Variants in ELK4 observed in about 807,000 individuals in gnomAD.
ELK4 encodes ETS transcription factor ELK4.
ELK4 carries 16 observed loss-of-function variants against 29.6 expected under a neutral mutation model. The ratio of observed to expected loss-of-function variants is 0.54; its 90% CI spans 0.37 to 0.82. The LOEUF is 0.82. Ranked by LOEUF, ELK4 falls within the 40% of genes least tolerant of loss-of-function variation. The pLI, the probability that ELK4 is intolerant of heterozygous loss-of-function variation, is 0.00. For missense variants in ELK4, 465 were observed against 507.1 expected (o/e 0.92, Z 0.80); for synonymous variants, 213 against 191.1 (o/e 1.11, Z -0.95).
chr1:205,616,924 G>C (rs373818997), intron 4 of ELK4, among the ~76,000 whole-genome samples: 1 of 152,144 alleles, frequency 6.6e-6, no homozygotes, highest in Non-Finnish European at 1.5e-5. Flanking sequence ...AGGTACACAG[G>C]TTTACAATTA....
rs1004186319 is a variant in ELK4, at chr1:205,612,964, C to T, written c.*3582G>A. 1.5e-5 allele frequency: 3 copies of T among 205,986 alleles called. No individual in the cohort carries two copies. Among genetic ancestry groups the T allele is most frequent in the Admixed American group, 6.0e-5 (1 of 16,764 alleles). 12.8% of individuals were successfully genotyped at this position (205,986 alleles called of 1,614,324 possible). A position where few individuals can be genotyped will look rare whatever the true frequency, so the allele number is the denominator to read the frequency against. On this transcript the variant is annotated 3_prime_UTR_variant, in exon 5 of 5. Coordinates refer to ENST00000357992, the MANE Select transcript of ELK4 (RefSeq NM_001973.4). Reference sequence around the variant, plus strand: ...TGTCAAAATGTGGGAAAAAATTAAACTCATATTTTAACTCTAAGAAGCTTA... The same window carrying T: ...TGTCAAAATGTGGGAAAAAATTAAATTCATATTTTAACTCTAAGAAGCTTA...
In ELK4 at chr1:205,612,780, T is replaced by G. The variant is rs2102373686; in HGVS notation, c.*3766A>C. On this transcript the variant is annotated 3_prime_UTR_variant, in exon 5 of 5. Coordinates refer to ENST00000357992, the MANE Select transcript of ELK4 (RefSeq NM_001973.4). ...AAGTGATACTATCAACAGCCTGGAG[T>G]TACAGCTCCAGAATTCCAAACCTCT... 4.8e-6 allele frequency: 1 copy of G among 209,218 alleles called. No homozygotes were observed. The allele number at this position is 209,218 out of a possible 1,614,324, so 13.0% of individuals were successfully genotyped here.
intron 1 of ELK4, among the ~76,000 whole-genome samples, chr1:205,629,345 G>A (rs887828336): frequency 1.3e-5 from 2 of 152,110 alleles, no homozygotes; most frequent in East Asian, 1.9e-4. Flanking sequence ...AGCAGCCAAC[G>A]TCTTCTTACA....
rs762650825 is a variant in ELK4, at chr1:205,616,033, C to A, written c.*513G>T. On this transcript the variant is annotated 3_prime_UTR_variant, in exon 5 of 5. Coordinates refer to ENST00000357992, the MANE Select transcript of ELK4 (RefSeq NM_001973.4). ...TTACTTTGTATGAATAGGAATGATT[C>A]TTCTTCTTCCACTGCTTAGGAACAG... The A allele has an allele frequency of 2.2e-4, 50 of 224,538 alleles. No individual in the cohort carries two copies. The highest frequency in any genetic ancestry group is 3.6e-4 in the Non-Finnish European group (41 of 112,366). The allele number at this position is 224,538 out of a possible 1,614,324, so 13.9% of individuals were successfully genotyped here.
chr1:205,615,661 G>A lies in ELK4; in HGVS notation c.*885C>T. On this transcript the variant is annotated 3_prime_UTR_variant, in exon 5 of 5. Coordinates refer to ENST00000357992, the MANE Select transcript of ELK4 (RefSeq NM_001973.4). ...CTGATCGAATCTTTTACTCAGAGAT[G>A]TTTCAAATATTCAAAATCCAAGTTC... The A allele has an allele frequency of 4.9e-6, 1 of 206,150 alleles. No homozygotes were observed. The highest frequency in any genetic ancestry group is 9.9e-6 in the Non-Finnish European group (1 of 100,852). 12.8% of individuals were successfully genotyped at this position (206,150 alleles called of 1,614,324 possible). A position where few individuals can be genotyped will look rare whatever the true frequency, so the allele number is the denominator to read the frequency against.
intron 1 of ELK4, among the ~76,000 whole-genome samples, chr1:205,629,428 G>C (rs1250727790): frequency 6.6e-6 from 1 of 151,916 alleles, no homozygotes; most frequent in Non-Finnish European, 1.5e-5. Context: ...GATTTCATCA[G>C]ATATAAAAGA....
At chr1:205,617,981 G>C (rs901109098) in intron 4 of ELK4, among the ~76,000 whole-genome samples, 1 of 135,420 alleles carries the variant, frequency 7.4e-6, no homozygotes, top group African/African-American at 2.7e-5. Flanking sequence ...GTGTGTGTGT[G>C]TGTGAGAGAG....
intron 1 of ELK4, among the ~76,000 whole-genome samples, chr1:205,624,148 T>C (rs758805295): frequency 2.0e-5 from 3 of 152,170 alleles, no homozygotes; most frequent in Non-Finnish European, 2.9e-5. Context: ...ATCCAAACTC[T>C]TAAGGATGCC....
At position 205,623,478 on chromosome 1, in the gene ELK4, G is replaced by A. The variant is rs1469491393; in HGVS notation, c.207+198C>T. On this transcript the variant is annotated intron_variant, in intron 2 of 4. Transcript: ENST00000357992. ...GTGCCCACCACCACGCCCAGCTAACGTTTTTTTTGTATTTTTGGTAGAGAC... is the reference window on the plus strand; with the variant it reads ...GTGCCCACCACCACGCCCAGCTAACATTTTTTTTGTATTTTTGGTAGAGAC... Among the ~76,000 whole-genome samples, 6 of 151,014 alleles carry A rather than the reference G, an allele frequency of 4.0e-5. 1 individual carries two copies. Among genetic ancestry groups the A allele is most frequent in the African/African-American group, 1.5e-4 (6 of 41,162 alleles).
At chr1:205,622,367 T>C (rs568745367) in intron 2 of ELK4, among the ~76,000 whole-genome samples, 9 of 152,346 alleles carry the variant, frequency 5.9e-5, no homozygotes, top group Non-Finnish European at 1.3e-4. Flanking sequence ...ATATAAAACG[T>C]ATATATGTAG....
At position 205,610,774 on chromosome 1, in the gene ELK4, C is replaced by T. The variant is rs946098262; in HGVS notation, c.*5772G>A. ...TTCCCTATGAAAACAGATTTACACG[C>T]GCACACACACACACACACACATTCA... On this transcript the variant is annotated 3_prime_UTR_variant, in exon 5 of 5. Transcript: ENST00000357992. 8 of 231,016 alleles carry T rather than the reference C, an allele frequency of 3.5e-5. No homozygotes were observed. The highest frequency in any genetic ancestry group is 5.7e-5 in the Admixed American group (1 of 17,650). 14.3% of individuals were successfully genotyped at this position (231,016 alleles called of 1,614,324 possible).
intron 1 of ELK4, among the ~76,000 whole-genome samples, chr1:205,625,276 T>A (rs1199560533): frequency 7.9e-6 from 1 of 126,236 alleles, no homozygotes; most frequent in African/African-American, 3.1e-5. Flanking sequence ...CCAAAATATA[T>A]TAAAAAACGC....
rs1575120172 is a variant in ELK4, at chr1:205,614,831, T to C, written c.*1715A>G. ...AGGATTAGAAGACGAGTTTAACCGG[T>C]GGGAGAGATTGGTGGGGGAGGGTGG... On this transcript the variant is annotated 3_prime_UTR_variant, in exon 5 of 5. Transcript: ENST00000357992. 4.4e-6 allele frequency: 1 copy of C among 226,578 alleles called. No individual in the cohort carries two copies. The highest frequency in any genetic ancestry group is 6.3e-5 in the East Asian group (1 of 15,820). 14.0% of individuals were successfully genotyped at this position (226,578 alleles called of 1,614,324 possible).
intron 1 of ELK4, among the ~76,000 whole-genome samples, chr1:205,630,671 G>A (rs889630054): frequency 6.6e-6 from 1 of 152,132 alleles, no homozygotes; most frequent in Non-Finnish European, 1.5e-5. Context: ...AAAACTTAAA[G>A]ACACTACCTC....
At chr1:205,619,670 A>C in intron 3 of ELK4, 1 of 1,382,934 alleles carries the variant, frequency 7.2e-7, no homozygotes, top group Non-Finnish European at 9.3e-7. Flanking sequence ...AACGAGTTTT[A>C]TAAGACCGAG....
intron 3 of ELK4, 156 bp from the exon 4 acceptor site, chr1:205,619,229 T>C: frequency 9.0e-7 from 1 of 1,114,168 alleles, no homozygotes; most frequent in Non-Finnish European, 1.1e-6. Context: ...TCAAAAATTA[T>C]TTTTACAAAC....
rs1053148360 is a variant in ELK4, at chr1:205,613,973, T to C, written c.*2573A>G. On this transcript the variant is annotated 3_prime_UTR_variant, in exon 5 of 5. Coordinates refer to ENST00000357992, the MANE Select transcript of ELK4 (RefSeq NM_001973.4). ...TTCAACAGAATATGAAGCTGAGACT[T>C]TTCCAGGAAGGAGGTAGTCTATAAA... The C allele has an allele frequency of 9.0e-6, 2 of 222,762 alleles. No homozygotes were observed. Among genetic ancestry groups the C allele is most frequent in the Admixed American group, 1.1e-4 (2 of 17,430 alleles). The allele number at this position is 222,762 out of a possible 1,614,324, so 13.8% of individuals were successfully genotyped here.
Position 205,620,348 on chromosome 1 carries a change from A to G in ELK4, c.698T>C (p.Leu233Pro), listed in dbSNP as rs1218474105. Residue 233 changes from leucine to proline, a missense_variant, in exon 3 of 5, where the codon CTG (leucine) becomes CCG (proline). By Grantham distance (98) the Leu-to-Pro change is moderately conservative. Transcript: ENST00000357992. ...AGAGGTTGGGGCTTCCAGGGAAGGC[A>G]GTTTTGGGGAAACCAATGTCTCCAA... The part of the protein sequence containing the change: ...QALETLVSPK[L>P]PSLEAPTSAS... 2 of 1,614,102 alleles carry G rather than the reference A, an allele frequency of 1.2e-6. No homozygotes were observed. Among genetic ancestry groups the G allele is most frequent in the Non-Finnish European group, 1.7e-6 (2 of 1,180,038 alleles).
intron 1 of ELK4, chr1:205,625,518 G>C (rs972062095): frequency 1.3e-6 from 1 of 753,462 alleles, no homozygotes; most frequent in African/African-American, 1.7e-5. Context: ...ATCCGTTCAA[G>C]AAACGGGCGG....
Sources: gnomAD v4.1 joint callset for allele counts (sites outside exome capture counted in the v4.1 genomes callset) on GRCh38, gnomAD v4.1.1 for gene constraint, MANE v1.5 for transcripts, NCBI Gene and HGNC (gene_info 2026-07-23, HGNC 2026-07-21) for gene names.